The following DRICH1 variants were observed in gnomAD, a reference collection of about 807,000 sequenced individuals.
DRICH1 encodes the protein aspartate-rich protein 1.
Under a neutral mutation model 39.5 loss-of-function variants are expected in DRICH1, and 38 were observed. That is an observed-to-expected ratio of 0.96 (90% CI 0.74 to 1.26). The LOEUF is 1.26. Ranked by LOEUF, DRICH1 falls within the 50% of genes most tolerant of loss-of-function variation. The pLI is 0.00. For synonymous variants in DRICH1, 84 were observed against 99.5 expected, an observed-to-expected ratio of 0.84 and a Z score of 0.93; for missense variants, 279 against 270.4, an observed-to-expected ratio of 1.03 and a Z score of -0.22.
chr22:23,620,754 C>T (rs2123782178), intron 4 of DRICH1, 139 bp from the exon 5 acceptor site: 1 of 952,126 alleles, frequency 1.1e-6, no homozygotes, highest in Non-Finnish European at 1.7e-6. Context: ...GCCAAACATT[C>T]TAGCATAGAG....
chr22:23,610,946 T>C (rs1024901396), intron 11 of DRICH1, among the ~76,000 whole-genome samples: 2 of 151,638 alleles, frequency 1.3e-5, no homozygotes, highest in Non-Finnish European at 2.9e-5. Context: ...TCTTTGATTC[T>C]CTCTGTTCTC....
chr22:23,608,676 G>A lies in DRICH1; in HGVS notation c.*88C>T, dbSNP rs1361846504. On this transcript the variant is annotated 3_prime_UTR_variant, in exon 12 of 12. Coordinates refer to ENST00000317749, the MANE Select transcript of DRICH1 (RefSeq NM_016449.4). ...TTTTCCTCAGAATGTAGAGAGGATT[G>A]AGACCTCCAGGGGCAAAGCTGGGGA... 7.7e-7 allele frequency: 1 copy of A among 1,306,766 alleles called. No individual in the cohort carries two copies. Among genetic ancestry groups the A allele is most frequent in the Non-Finnish European group, 1.1e-6 (1 of 925,606 alleles). 80.9% of individuals were successfully genotyped at this position (1,306,766 alleles called of 1,614,324 possible).
At position 23,614,102 on chromosome 22, in the gene DRICH1, T is replaced by C. The variant is rs375838502; in HGVS notation, c.621+33A>G. On this transcript the variant is annotated intron_variant, in intron 9 of 11. Transcript: ENST00000317749. ...AAATAAAGGAATCAGGAAAGCAACA[T>C]TGCTGTAGAAGACAAAAAAAGGGAG... 5.3e-4 allele frequency: 739 copies of C among 1,402,398 alleles called. 8 individuals carry two copies. In the South Asian group the frequency reaches 8.0e-3, roughly 15 times the overall value. The allele number at this position is 1,402,398 out of a possible 1,614,324, so 86.9% of individuals were successfully genotyped here. A position where few individuals can be genotyped will look rare whatever the true frequency, so the allele number is the denominator to read the frequency against.
the DRICH1 span, among the ~76,000 whole-genome samples, chr22:23,591,324 T>A: frequency 6.7e-6 from 1 of 150,208 alleles, no homozygotes; most frequent in South Asian, 2.1e-4. Context: ...GTCACACACT[T>A]ACACTCTCAA....
chr22:23,604,532 C>A (rs58867401), downstream of DRICH1, among the ~76,000 whole-genome samples: 3 of 152,030 alleles, frequency 2.0e-5, no homozygotes, highest in African/African-American at 7.3e-5. Context: ...GACTCCTTGC[C>A]TAGAAGTCCC....
chr22:23,593,793 T>TCAAAA, the DRICH1 span, among the ~76,000 whole-genome samples: 7 of 151,224 alleles, frequency 4.6e-5, no homozygotes, highest in Non-Finnish European at 8.8e-5. Context: ...AGACTCCATC[T>TCAAAA]CAAAACAAAA....
chr22:23,599,227 C>T, the DRICH1 span, among the ~76,000 whole-genome samples: 3 of 152,202 alleles, frequency 2.0e-5, no homozygotes, highest in East Asian at 5.8e-4. Context: ...CTGTTCCTGC[C>T]CCTCTGCAGG....
the DRICH1 span, among the ~76,000 whole-genome samples, chr22:23,586,212 C>T: frequency 1.4e-4 from 22 of 152,282 alleles, no homozygotes; most frequent in South Asian, 2.7e-3. Flanking sequence ...ACTGCTAGTC[C>T]GGCTGGTAGC....
At chr22:23,632,434 C>T, upstream of DRICH1, 3 of 249,672 alleles carry the variant, frequency 1.2e-5, 1 homozygote, top group South Asian at 1.6e-4. Context: ...CCCCACAGCC[C>T]CCCCCAATGC....
the DRICH1 span, among the ~76,000 whole-genome samples, chr22:23,594,132 C>T: frequency 7.2e-5 from 11 of 152,158 alleles, no homozygotes; most frequent in East Asian, 2.1e-3. Context: ...AAAACTATCC[C>T]AAATTGGAGA....
At chr22:23,607,214 G>C (rs1284886398), downstream of DRICH1, 2 of 152,600 alleles carry the variant, frequency 1.3e-5, no homozygotes, top group African/African-American at 4.8e-5. Context: ...AGAAGCACTG[G>C]TGACGATCCT....
chr22:23,625,498 C>T (rs184936350), intron 2 of DRICH1, among the ~76,000 whole-genome samples: 1 of 152,134 alleles, frequency 6.6e-6, no homozygotes, highest in Non-Finnish European at 1.5e-5. Context: ...ACTTAGTTGC[C>T]CTCACTGGAA....
chr22:23,616,298 GATC>G (rs1352742001), intron 8 of DRICH1, among the ~76,000 whole-genome samples: 1 of 152,110 alleles, frequency 6.6e-6, no homozygotes, highest in Non-Finnish European at 1.5e-5. Context: ...GTTCTAGAAA[GATC>G]ATCTGTAAAT....
At chr22:23,626,078 C>T in intron 1 of DRICH1, 30 bp from the exon 2 acceptor site, 2 of 1,555,536 alleles carry the variant, frequency 1.3e-6, no homozygotes, top group Non-Finnish European at 1.8e-6. Context: ...ATGTCAGTGC[C>T]CTGGTGGTTG....
the DRICH1 span, among the ~76,000 whole-genome samples, chr22:23,584,107 GGGCTGGGCCGGGCCT>G: frequency 6.6e-6 from 1 of 152,208 alleles, no homozygotes; most frequent in African/African-American, 2.4e-5. Flanking sequence ...CTGCGGGGCT[GGGCTGGGCCGGGCCT>G]CTCCAGCAGG....
At position 23,616,849 on chromosome 22, in the gene DRICH1, A is replaced by C; in HGVS notation, c.541+4T>G. 1 of 1,614,106 alleles carries C rather than the reference A, an allele frequency of 6.2e-7. No individual in the cohort carries two copies. ...CAGAAAGTGAGTTAGTTCAAGGTACATACCCTGGACAGGTGACGGTAAAAT... is the reference window on the plus strand; with the variant it reads ...CAGAAAGTGAGTTAGTTCAAGGTACCTACCCTGGACAGGTGACGGTAAAAT... On this transcript the variant is annotated splice_donor_region_variant and intron_variant, in intron 8 of 11. Transcript: ENST00000317749.
At chr22:23,625,954 T>C (rs530364089) in intron 2 of DRICH1, 27 bp downstream of exon 2, 2 of 1,590,544 alleles carry the variant, frequency 1.3e-6, no homozygotes, top group African/African-American at 1.3e-5. Context: ...CAACATTTCC[T>C]TAGAAGGCAA....
chr22:23,627,661 G>A (rs1928148438), intron 1 of DRICH1, among the ~76,000 whole-genome samples: 1 of 152,204 alleles, frequency 6.6e-6, no homozygotes, highest in South Asian at 2.1e-4. Flanking sequence ...CGTGCACACA[G>A]GGGAAGAGCG....
At chr22:23,582,555 CTTA>C in the DRICH1 span, among the ~76,000 whole-genome samples, 7 of 143,868 alleles carry the variant, frequency 4.9e-5, no homozygotes, top group Non-Finnish European at 7.5e-5. Flanking sequence ...CCTTCAGGGG[CTTA>C]TTATTATTAT....
Sources: allele counts gnomAD v4.1 joint callset (sites outside exome capture counted in the v4.1 genomes callset), GRCh38; gene constraint gnomAD v4.1.1; transcripts MANE v1.5; gene names NCBI Gene and HGNC (gene_info 2026-07-23, HGNC 2026-07-21).